SLCO1B1: variants seen among roughly 807,000 people sequenced by gnomAD.
SLCO1B1 encodes solute carrier organic anion transporter family member 1B1.
Under a neutral mutation model 70.1 loss-of-function variants are expected in SLCO1B1, and 81 were observed. The observed-to-expected ratio is 1.16, with a 90% CI of 0.97 to 1.39. The LOEUF (loss-of-function observed/expected upper bound fraction) is 1.39. Ranked by LOEUF, SLCO1B1 falls within the 40% of genes most tolerant of loss-of-function variation. SLCO1B1 has a pLI of 0.00. For synonymous variants in SLCO1B1, 283 were observed against 271.5 expected (o/e 1.04, Z -0.42); for missense variants, 895 against 799.6 (o/e 1.12, Z -1.44).
intron 2 of SLCO1B1, among the ~76,000 whole-genome samples, chr12:21,163,296 G>A (rs1940644944): frequency 6.6e-6 from 1 of 151,984 alleles, no homozygotes; most frequent in Non-Finnish European, 1.5e-5. Flanking sequence ...ATTCTAACTA[G>A]GGAGTAGTTA....
chr12:21,194,702 A>T (rs1431405901), intron 7 of SLCO1B1, among the ~76,000 whole-genome samples: 2 of 152,212 alleles, frequency 1.3e-5, no homozygotes, highest in Non-Finnish European at 2.9e-5. Flanking sequence ...GTATCCTTAT[A>T]GCAATGTCCC....
intron 12 of SLCO1B1, among the ~76,000 whole-genome samples, chr12:21,218,539 C>A (rs1281219068): frequency 6.6e-6 from 1 of 151,870 alleles, no homozygotes; most frequent in Non-Finnish European, 1.5e-5. Context: ...TTAATTTTGA[C>A]CCTGACTGCA....
chr12:21,155,068 G>T (rs1009782411), intron 2 of SLCO1B1, among the ~76,000 whole-genome samples: 1 of 149,398 alleles, frequency 6.7e-6, no homozygotes, highest in Admixed American at 6.7e-5. Context: ...TATCTCTTGT[G>T]TTGAGCATTC....
intron 2 of SLCO1B1, among the ~76,000 whole-genome samples, chr12:21,145,117 G>C (rs1305597879): frequency 6.6e-6 from 1 of 152,168 alleles, no homozygotes; most frequent in Admixed American, 6.6e-5. Context: ...GCATAGAATA[G>C]CAAGTTGGAT....
At chr12:21,168,765 A>G (rs1305851435) in intron 2 of SLCO1B1, among the ~76,000 whole-genome samples, 1 of 152,150 alleles carries the variant, frequency 6.6e-6, no homozygotes, top group East Asian at 1.9e-4. Flanking sequence ...GGAAAAGTCC[A>G]TATATTCTAG....
intron 14 of SLCO1B1, among the ~76,000 whole-genome samples, chr12:21,226,345 C>T (rs534499277): frequency 1.3e-5 from 2 of 151,508 alleles, no homozygotes; most frequent in South Asian, 2.1e-4. Context: ...ACCCAGGAGG[C>T]GGAGGTTGCA....
intron 7 of SLCO1B1, among the ~76,000 whole-genome samples, chr12:21,191,746 G>C (rs551467267): frequency 1.3e-5 from 2 of 152,152 alleles, no homozygotes; most frequent in African/African-American, 4.8e-5. Flanking sequence ...TGAATTTAAT[G>C]CTAGCTGTGA....
chr12:21,211,769 A>G (rs537683212), intron 11 of SLCO1B1, among the ~76,000 whole-genome samples: 14 of 152,294 alleles, frequency 9.2e-5, no homozygotes, highest in Middle Eastern at 3.4e-3. Context: ...GAGATTCAAC[A>G]TCTTCCTGAT....
intron 14 of SLCO1B1, among the ~76,000 whole-genome samples, chr12:21,226,829 A>G (rs1004965098): frequency 3.3e-5 from 5 of 152,124 alleles, no homozygotes; most frequent in African/African-American, 1.2e-4. Flanking sequence ...AGTATATGGG[A>G]CTTCATACTT....
In SLCO1B1 at chr12:21,205,910, T is replaced by C. The variant is rs1232116590; in HGVS notation, c.1374T>C (p.Tyr458=). 2 of 1,611,236 alleles carry C rather than the reference T, an allele frequency of 1.2e-6. No homozygotes were observed. The highest frequency in any genetic ancestry group is 1.7e-6 in the Non-Finnish European group (2 of 1,177,968). ...CTCATAGAGATGTACCACTTTCTTATTGCAACTCAGACTGCAATTGTGATG... is the reference window on the plus strand; with the variant it reads ...CTCATAGAGATGTACCACTTTCTTACTGCAACTCAGACTGCAATTGTGATG... The part of the protein sequence containing the change: ...VTSHRDVPLS[Y]CNSDCNCDES... The change falls in exon 11 of 15, where the codon TAT becomes TAC. Residue 458 remains tyrosine (Y), a synonymous_variant. Transcript: ENST00000256958.
rs138827505 is a variant in SLCO1B1, at chr12:21,218,072, A to C, written c.1682+769A>C. Among the ~76,000 whole-genome samples, 25 of 152,312 alleles carry C rather than the reference A, an allele frequency of 1.6e-4. No individual in the cohort carries two copies. In the East Asian group the frequency reaches 3.1e-3, roughly 19 times the overall value. On this transcript the variant is annotated intron_variant, in intron 12 of 14. Coordinates refer to ENST00000256958, the MANE Select transcript of SLCO1B1 (RefSeq NM_006446.5). ...CTGTGAAGAAGAGGATTCAGAGTAC[A>C]TCTCAAAATAAGTAACATTTATTCT...
intron 11 of SLCO1B1, among the ~76,000 whole-genome samples, chr12:21,210,835 G>A (rs1450140504): frequency 2.0e-5 from 3 of 151,886 alleles, no homozygotes; most frequent in East Asian, 2.0e-4. Context: ...GTGAATGGGA[G>A]TTCACTCATG....
At chr12:21,224,309 A>G (rs751312926) in intron 13 of SLCO1B1, among the ~76,000 whole-genome samples, 50 of 152,110 alleles carry the variant, frequency 3.3e-4, no homozygotes, top group Admixed American at 1.5e-3. Flanking sequence ...TTTTACAGCA[A>G]TTGAGCCAAG....
At chr12:21,231,342 CT>C (rs1318138819) in intron 14 of SLCO1B1, among the ~76,000 whole-genome samples, 1 of 152,070 alleles carries the variant, frequency 6.6e-6, no homozygotes, top group Admixed American at 6.5e-5. Flanking sequence ...TAGTTTGATG[CT>C]TTCTGTTTTA....
At chr12:21,152,977 T>C (rs1411739859) in intron 2 of SLCO1B1, among the ~76,000 whole-genome samples, 4 of 152,182 alleles carry the variant, frequency 2.6e-5, no homozygotes, top group Admixed American at 2.6e-4. Context: ...CCACACTGAG[T>C]GAGACTCTAG....
chr12:21,165,929 G>C (rs1366031437), intron 2 of SLCO1B1, among the ~76,000 whole-genome samples: 8 of 151,920 alleles, frequency 5.3e-5, no homozygotes, highest in Non-Finnish European at 1.2e-4. Flanking sequence ...AAGTTCAACA[G>C]CAAATTTGAG....
chr12:21,172,525 A>G (rs1342297441), intron 2 of SLCO1B1, 125 bp from the exon 3 acceptor site: 2 of 1,090,194 alleles, frequency 1.8e-6, no homozygotes, highest in South Asian at 1.3e-5. Flanking sequence ...AAAACTAAGT[A>G]TGGTTTTTAA....
intron 11 of SLCO1B1, among the ~76,000 whole-genome samples, chr12:21,213,964 T>G (rs919887753): frequency 8.6e-5 from 13 of 150,796 alleles, no homozygotes; most frequent in South Asian, 4.2e-4. Flanking sequence ...TTATACATTC[T>G]TCTAAATTTT....
At chr12:21,215,009 G>A (rs953093210) in intron 11 of SLCO1B1, among the ~76,000 whole-genome samples, 2 of 152,186 alleles carry the variant, frequency 1.3e-5, no homozygotes, top group African/African-American at 2.4e-5. Context: ...TGGAAATGCA[G>A]AAATCACCCG....
Sources: gnomAD v4.1 joint callset for allele counts (sites outside exome capture counted in the v4.1 genomes callset) on GRCh38, gnomAD v4.1.1 for gene constraint, MANE v1.5 for transcripts, NCBI Gene and HGNC (gene_info 2026-07-23, HGNC 2026-07-21) for gene names.